The following PAPPA variants were observed in gnomAD, a reference collection of about 807,000 sequenced individuals.
PAPPA encodes the protein pappalysin 1, also known as pappalysin-1.
Under a neutral mutation model 164.0 loss-of-function variants are expected in PAPPA, and 60 were observed. That is an observed-to-expected ratio of 0.37 (90% CI 0.30 to 0.45). The LOEUF is 0.45. Among genes scored for constraint, PAPPA ranks in the 20% least tolerant of loss-of-function variants. PAPPA has a pLI of 1.00. For synonymous variants in PAPPA, 875 were observed against 814.1 expected (o/e 1.07, Z -1.27); for missense variants, 1,782 against 2,087.3 (o/e 0.85, Z 2.85).
At chr9:116,171,476 T>C (rs1363598629) in intron 1 of PAPPA, among the ~76,000 whole-genome samples, 1 of 151,794 alleles carries the variant, frequency 6.6e-6, no homozygotes, top group Non-Finnish European at 1.5e-5. Flanking sequence ...TGCCTTTTTC[T>C]CCAACCCCCA....
chr9:116,197,446 G>A (rs1844122085), intron 2 of PAPPA, among the ~76,000 whole-genome samples: 1 of 152,178 alleles, frequency 6.6e-6, no homozygotes, highest in Non-Finnish European at 1.5e-5. Flanking sequence ...TATTTCTCAA[G>A]TCCCAGCAGT....
chr9:116,396,138 T>A (rs1296895756), intron 21 of PAPPA, among the ~76,000 whole-genome samples: 1 of 152,138 alleles, frequency 6.6e-6, no homozygotes, highest in Non-Finnish European at 1.5e-5. Context: ...ACTTGACACT[T>A]ATTATTACTT....
chr9:116,158,982 T>C (rs902585535), intron 1 of PAPPA, among the ~76,000 whole-genome samples: 1 of 152,220 alleles, frequency 6.6e-6, no homozygotes, highest in Non-Finnish European at 1.5e-5. Flanking sequence ...TCCTTAACCT[T>C]TCTGTGGAAC....
chr9:116,226,724 T>C (rs904241475), intron 5 of PAPPA, among the ~76,000 whole-genome samples: 3 of 152,202 alleles, frequency 2.0e-5, no homozygotes, highest in Admixed American at 6.5e-5. Flanking sequence ...CAAAGGAAGA[T>C]TGAATCCAGA....
rs143780289 is a variant in PAPPA at position 116,207,020 on chromosome 9, C to A, written c.1479-436C>A. On this transcript the variant is annotated intron_variant, in intron 2 of 21. Transcript: ENST00000328252. The stretch of plus-strand genomic sequence containing the variant: ...GGGAACTTGAACTTTGTCTTTCATA[C>A]ATGGGGAGACCCTTTATTATTCTAA... Among the ~76,000 whole-genome samples the A allele has an allele frequency of 3.7e-4, 57 of 152,246 alleles. 1 individual carries two copies. In the East Asian group the frequency reaches 0.01, roughly 27 times the overall value.
chr9:116,268,669 AATT>A (rs1845100714), intron 8 of PAPPA, among the ~76,000 whole-genome samples: 1 of 141,852 alleles, frequency 7.0e-6, no homozygotes, highest in South Asian at 2.3e-4. Flanking sequence ...TTAGTATCAT[AATT>A]ATTATTAATT....
chr9:116,330,276 C>T (rs1290749274), intron 10 of PAPPA, among the ~76,000 whole-genome samples: 1 of 152,160 alleles, frequency 6.6e-6, no homozygotes, highest in East Asian at 1.9e-4. Context: ...AAGGACAGCT[C>T]AGCTGTTCCT....
chr9:116,163,755 G>GA (rs1564171163), intron 1 of PAPPA, among the ~76,000 whole-genome samples: 1 of 152,078 alleles, frequency 6.6e-6, no homozygotes, highest in Non-Finnish European at 1.5e-5. Flanking sequence ...CAACACTGGG[G>GA]AAAAAAGAAG....
At chr9:116,272,006 C>T (rs572740582) in intron 9 of PAPPA, among the ~76,000 whole-genome samples, 1 of 152,176 alleles carries the variant, frequency 6.6e-6, no homozygotes, top group African/African-American at 2.4e-5. Context: ...GAATAGCAGA[C>T]CAGCCTGTGT....
At chr9:116,178,313 G>A (rs1470961659) in intron 1 of PAPPA, among the ~76,000 whole-genome samples, 2 of 152,016 alleles carry the variant, frequency 1.3e-5, no homozygotes, top group Non-Finnish European at 2.9e-5. Flanking sequence ...TCATCATGTT[G>A]GCCAGGCTGG....
At chr9:116,273,340 G>GTAAA (rs950732850) in intron 9 of PAPPA, among the ~76,000 whole-genome samples, 5 of 152,324 alleles carry the variant, frequency 3.3e-5, no homozygotes, top group African/African-American at 9.6e-5. Flanking sequence ...CCCTGTAATT[G>GTAAA]TAAATAAAGA....
intron 6 of PAPPA, 106 bp from the exon 7 acceptor site, chr9:116,235,033 G>A: frequency 7.8e-7 from 1 of 1,284,484 alleles, no homozygotes; most frequent in South Asian, 1.3e-5. Context: ...TTTCCCCTCT[G>A]TCTAAGTTCT....
chr9:116,197,949 A>G (rs1209089981), intron 2 of PAPPA, among the ~76,000 whole-genome samples: 1 of 152,250 alleles, frequency 6.6e-6, no homozygotes, highest in Non-Finnish European at 1.5e-5. Context: ...GCTAAAGTCT[A>G]GAGCCAAACT....
intron 9 of PAPPA, among the ~76,000 whole-genome samples, chr9:116,301,596 G>T (rs1319108979): frequency 6.6e-6 from 1 of 152,204 alleles, no homozygotes; most frequent in Non-Finnish European, 1.5e-5. Context: ...CTACTTAGAA[G>T]GCATCCTACT....
intron 8 of PAPPA, among the ~76,000 whole-genome samples, chr9:116,269,926 T>C (rs1845117928): frequency 6.6e-6 from 1 of 152,170 alleles, no homozygotes; most frequent in Admixed American, 6.5e-5. Context: ...GGAGAGGACT[T>C]GGGTGGCTCC....
intron 7 of PAPPA, among the ~76,000 whole-genome samples, chr9:116,251,924 C>G (rs1254990085): frequency 1.3e-5 from 2 of 152,220 alleles, no homozygotes; most frequent in African/African-American, 4.8e-5. Context: ...GTTACCTCGT[C>G]CCGGGATTCG....
intron 17 of PAPPA, among the ~76,000 whole-genome samples, chr9:116,359,078 A>G (rs1014549618): frequency 4.6e-5 from 7 of 152,176 alleles, no homozygotes; most frequent in African/African-American, 1.7e-4. Context: ...GCATCCCCAA[A>G]TCTACCCAGC....
intron 4 of PAPPA, among the ~76,000 whole-genome samples, chr9:116,213,063 T>C (rs1380852315): frequency 6.6e-6 from 1 of 152,172 alleles, no homozygotes; most frequent in African/African-American, 2.4e-5. Flanking sequence ...AGTGGGGAAA[T>C]TGAGCAACCT....
At chr9:116,297,262 T>A (rs180824682) in intron 9 of PAPPA, among the ~76,000 whole-genome samples, 102 of 152,302 alleles carry the variant, frequency 6.7e-4, no homozygotes, top group Non-Finnish European at 9.3e-4. Context: ...TATCCCACTA[T>A]CCTAGAGAAT....
Sources: allele counts gnomAD v4.1 joint callset (sites outside exome capture counted in the v4.1 genomes callset), GRCh38; gene constraint gnomAD v4.1.1; transcripts MANE v1.5; gene names NCBI Gene and HGNC (gene_info 2026-07-23, HGNC 2026-07-21).